SDHB: variants seen among roughly 807,000 people sequenced by gnomAD.
The protein encoded by SDHB is succinate dehydrogenase [ubiquinone] iron-sulfur subunit, mitochondrial.
SDHB carries 21 observed loss-of-function variants against 39.7 expected under a neutral mutation model. The observed-to-expected ratio is 0.53, with a 90% CI of 0.37 to 0.76. The LOEUF (loss-of-function observed/expected upper bound fraction) is 0.76. Ranked by LOEUF, SDHB falls within the 30% of genes least tolerant of loss-of-function variation. The pLI is 0.00. For synonymous variants in SDHB, 118 were observed against 117.0 expected (o/e 1.01, Z -0.06); for missense variants, 343 against 350.9 (o/e 0.98, Z 0.18).
At chr1:17,023,303 C>T (rs978528) in intron 6 of SDHB, 156,404 of 188,366 alleles carry the variant, frequency 0.83, 65,808 homozygotes, top group Non-Finnish European at 0.9. Flanking sequence ...GAGCAGCTGG[C>T]AAAAGTGACA....
chr1:17,040,644 T>G (rs1161631038), intron 2 of SDHB, among the ~76,000 whole-genome samples: 1 of 152,050 alleles, frequency 6.6e-6, no homozygotes, highest in East Asian at 1.9e-4. Context: ...AAAATTTTTT[T>G]AGTAGAGACA....
At chr1:17,047,007 G>A (rs1248312816) in intron 1 of SDHB, among the ~76,000 whole-genome samples, 5 of 152,176 alleles carry the variant, frequency 3.3e-5, no homozygotes, top group Non-Finnish European at 7.3e-5. Context: ...GTGAGCCACC[G>A]TGCCTGGCCA....
At chr1:17,019,908 A>T (rs1177882835) in intron 7 of SDHB, among the ~76,000 whole-genome samples, 1 of 152,092 alleles carries the variant, frequency 6.6e-6, no homozygotes, top group East Asian at 1.9e-4. Flanking sequence ...AATTAAAAAA[A>T]ATTTTGTTTG....
intron 1 of SDHB, among the ~76,000 whole-genome samples, chr1:17,047,908 T>G (rs2078123069): frequency 6.6e-6 from 1 of 152,114 alleles, no homozygotes; most frequent in Admixed American, 6.5e-5. Flanking sequence ...CTTGAACTCC[T>G]GGCCCCAAGT....
chr1:17,026,132 C>T (rs2077989846), intron 5 of SDHB, among the ~76,000 whole-genome samples: 1 of 152,214 alleles, frequency 6.6e-6, no homozygotes, highest in African/African-American at 2.4e-5. Context: ...ACTAGCTACG[C>T]ACCAGCCTTG....
At chr1:17,046,112 T>G (rs1378708458) in intron 1 of SDHB, among the ~76,000 whole-genome samples, 1 of 152,130 alleles carries the variant, frequency 6.6e-6, no homozygotes, top group South Asian at 2.1e-4. Context: ...CAGCTAACAG[T>G]AGAAAAGAAG....
intron 7 of SDHB, 71 bp downstream of exon 7, chr1:17,022,536 CT>C: frequency 6.3e-7 from 1 of 1,598,300 alleles, no homozygotes; most frequent in South Asian, 1.1e-5. Flanking sequence ...TGCCAATCAC[CT>C]CTTTGTGAGC....
chr1:17,050,636 C>T (rs12063457), intron 1 of SDHB, among the ~76,000 whole-genome samples: 74 of 146,002 alleles, frequency 5.1e-4, no homozygotes, highest in African/African-American at 1.7e-3. Flanking sequence ...TGGGCAACAA[C>T]GTGAGCGTGA....
intron 1 of SDHB, among the ~76,000 whole-genome samples, chr1:17,045,757 G>A (rs536725360): frequency 4.6e-5 from 7 of 152,284 alleles, no homozygotes; most frequent in African/African-American, 1.7e-4. Flanking sequence ...GGAGAACAGG[G>A]TTTAGAGACA....
intron 5 of SDHB, 84 bp downstream of exon 5, chr1:17,027,665 T>C (rs1356951257): frequency 3.4e-6 from 3 of 878,344 alleles, no homozygotes; most frequent in Admixed American, 1.7e-5. Flanking sequence ...TTGCATCAGC[T>C]TATGTTCCCT....
intron 5 of SDHB, among the ~76,000 whole-genome samples, chr1:17,027,168 T>C (rs1011930737): frequency 1.3e-5 from 2 of 152,040 alleles, no homozygotes; most frequent in Non-Finnish European, 2.9e-5. Flanking sequence ...GTAGAAGTAG[T>C]GTAGAAGAAG....
In SDHB at chr1:17,019,088, CAAAACCA is replaced by C. The variant is rs906370673; in HGVS notation, c.766-137_766-131del. 7.9e-6 allele frequency: 6 copies of C among 762,526 alleles called. 1 individual carries two copies. The highest frequency in any genetic ancestry group is 2.3e-4 in the Middle Eastern group (1 of 4,396). 47.2% of individuals were successfully genotyped at this position (762,526 alleles called of 1,614,324 possible). The stretch of plus-strand genomic sequence containing the variant: ...CAAGGTGAATGCAAATCAAGTCCCT[CAAAACCA>C]TAGGGGTTGGGCTAAGGGCTCTCTT... On this transcript the variant is annotated intron_variant, in intron 7 of 7. Transcript: ENST00000375499.
At chr1:17,021,542 C>T (rs1346714765) in intron 7 of SDHB, among the ~76,000 whole-genome samples, 1 of 151,988 alleles carries the variant, frequency 6.6e-6, no homozygotes, top group Non-Finnish European at 1.5e-5. Context: ...GTCGGGAGTT[C>T]GAGACCAGCC....
At chr1:17,050,755 T>C (rs1399644443) in intron 1 of SDHB, among the ~76,000 whole-genome samples, 1 of 152,132 alleles carries the variant, frequency 6.6e-6, no homozygotes, top group African/African-American at 2.4e-5. Flanking sequence ...AGAGTGGTCA[T>C]GGTTCTGAAA....
intron 4 of SDHB, 30 bp from the exon 5 acceptor site, chr1:17,027,895 A>AAGG (rs1557741193): frequency 7.6e-7 from 1 of 1,321,588 alleles, no homozygotes; most frequent in East Asian, 2.3e-5. Flanking sequence ...GAAGAAGAAG[A>AAGG]AGAAGAAAAG....
chr1:17,051,883 C>T (rs968019375), intron 1 of SDHB, among the ~76,000 whole-genome samples: 1 of 151,618 alleles, frequency 6.6e-6, no homozygotes, highest in African/African-American at 2.4e-5. Flanking sequence ...CTCTTGTCGC[C>T]CAGGATGGAG....
Position 17,023,890 on chromosome 1 carries a change from T to C in SDHB, c.642+83A>G, listed in dbSNP as rs2077976695. ...AGGAAACCAGGCCCCTCAGAATGGCTGGCTTACAGCAATCTATTGTCCTCT... is the reference window on the plus strand; with the variant it reads ...AGGAAACCAGGCCCCTCAGAATGGCCGGCTTACAGCAATCTATTGTCCTCT... On this transcript the variant is annotated intron_variant, in intron 6 of 7. Transcript: ENST00000375499. 2.9e-6 allele frequency: 3 copies of C among 1,035,998 alleles called. No homozygotes were observed. The South Asian group carries it at 3.8e-5, about 13-fold the overall frequency. The allele number at this position is 1,035,998 out of a possible 1,614,324, so 64.2% of individuals were successfully genotyped here.
At chr1:17,039,441 G>C (rs1362893771) in intron 2 of SDHB, among the ~76,000 whole-genome samples, 2 of 149,656 alleles carry the variant, frequency 1.3e-5, no homozygotes, top group Non-Finnish European at 3.0e-5. Flanking sequence ...AAAAAAATTG[G>C]CCAGGCATAG....
At chr1:17,036,775 T>G (rs926600171) in intron 2 of SDHB, among the ~76,000 whole-genome samples, 2 of 146,458 alleles carry the variant, frequency 1.4e-5, no homozygotes, top group African/African-American at 2.5e-5. Context: ...TATGAATATA[T>G]AAATATAAAT....
Sources: gnomAD v4.1 joint callset for allele counts (sites outside exome capture counted in the v4.1 genomes callset) on GRCh38, gnomAD v4.1.1 for gene constraint, MANE v1.5 for transcripts, NCBI Gene and HGNC (gene_info 2026-07-23, HGNC 2026-07-21) for gene names.